Variants in WNT2B observed in about 807,000 individuals in gnomAD.
WNT2B encodes the protein protein Wnt-2b.
Under a neutral mutation model 40.5 loss-of-function variants are expected in WNT2B, and 19 were observed. The observed-to-expected ratio is 0.47, with a 90% CI of 0.33 to 0.69. The LOEUF is 0.69. WNT2B is among the 30% of genes least tolerant of loss of function. WNT2B has a pLI of 0.02. For synonymous variants in WNT2B, 220 were observed against 211.9 expected, an observed-to-expected ratio of 1.04 and a Z score of -0.33; for missense variants, 467 against 556.4, an observed-to-expected ratio of 0.84 and a Z score of 1.62.
intron 1 of WNT2B, among the ~76,000 whole-genome samples, chr1:112,510,748 G>A (rs1216973852): frequency 6.6e-6 from 1 of 151,696 alleles, no homozygotes; most frequent in Non-Finnish European, 1.5e-5. Context: ...AGGAGGGGGG[G>A]TTCTGGTTGG....
chr1:112,528,571 C>G lies in WNT2B; in HGVS notation c.*8062C>G, dbSNP rs1653839368. 6.6e-6 allele frequency: 1 copy of G among 152,180 alleles called. No individual in the cohort carries two copies. The highest frequency in any genetic ancestry group is 2.4e-5 in the African/African-American group (1 of 41,452). The allele number at this position is 152,180 out of a possible 1,614,324, so 9.4% of individuals were successfully genotyped here. ...CTACAGCTCCTTATCATTTGAGATTCTGGGCTAAGTAAGAGATATCAAATA... is the reference window on the plus strand; with the variant it reads ...CTACAGCTCCTTATCATTTGAGATTGTGGGCTAAGTAAGAGATATCAAATA... On this transcript the variant is annotated 3_prime_UTR_variant, in exon 5 of 5. Transcript: ENST00000369684.
chr1:112,488,101 A>G (rs1651476984), intron 1 of WNT2B, among the ~76,000 whole-genome samples: 1 of 152,112 alleles, frequency 6.6e-6, no homozygotes, highest in Non-Finnish European at 1.5e-5. Context: ...TGAAGAGATC[A>G]GCCTGGCCAA....
intron 1 of WNT2B, among the ~76,000 whole-genome samples, chr1:112,479,182 T>C (rs995682585): frequency 2.7e-5 from 4 of 149,606 alleles, no homozygotes; most frequent in Admixed American, 1.3e-4. Context: ...AATTGCACCA[T>C]TGCACTCCAG....
Position 112,529,051 on chromosome 1 carries a change from G to A in WNT2B, c.*8542G>A, listed in dbSNP as rs116369789. 6.6e-6 allele frequency: 1 copy of A among 152,284 alleles called. No individual in the cohort carries two copies. Among genetic ancestry groups the A allele is most frequent in the African/African-American group, 2.4e-5 (1 of 41,544 alleles). The allele number at this position is 152,284 out of a possible 1,614,324, so 9.4% of individuals were successfully genotyped here. A position where few individuals can be genotyped will look rare whatever the true frequency, so the allele number is the denominator to read the frequency against. On this transcript the variant is annotated 3_prime_UTR_variant, in exon 5 of 5. Transcript: ENST00000369684. ...TCTTAACCAAACTTCCCTAACTTCT[G>A]AGGATAAAAACCATAAGGGCAATCT... is the stretch of plus-strand genomic sequence containing the variant.
chr1:112,471,292 G>C (rs1274404899), intron 1 of WNT2B, among the ~76,000 whole-genome samples: 2 of 152,156 alleles, frequency 1.3e-5, no homozygotes, highest in East Asian at 3.9e-4. Context: ...TATGGGTAGA[G>C]GAGCTCTCTC....
intron 4 of WNT2B, 54 bp from the exon 5 acceptor site, chr1:112,520,226 C>A (rs1012326768): frequency 5.9e-6 from 9 of 1,532,492 alleles, no homozygotes; most frequent in Non-Finnish European, 8.0e-6. Flanking sequence ...TTAAGGGTAT[C>A]CAGGGCAGCT....
At chr1:112,502,731 G>T (rs895855980) in intron 1 of WNT2B, among the ~76,000 whole-genome samples, 7 of 151,920 alleles carry the variant, frequency 4.6e-5, no homozygotes, top group Non-Finnish European at 1.0e-4. Context: ...AGAGGAGGAG[G>T]GGGTGGGTTC....
intron 1 of WNT2B, among the ~76,000 whole-genome samples, chr1:112,498,210 G>C (rs2798239): frequency 0.83 from 125,886 of 151,782 alleles, 52,306 homozygotes; most frequent in South Asian, 0.87. Context: ...GCTTCTAGCT[G>C]CATCCATGTC....
chr1:112,527,859 G>GT lies in WNT2B; in HGVS notation c.*7351dup, dbSNP rs1339012338. 1 of 152,250 alleles carries GT rather than the reference G, an allele frequency of 6.6e-6. No individual in the cohort carries two copies. The highest frequency in any genetic ancestry group is 1.5e-5 in the Non-Finnish European group (1 of 68,060). 9.4% of individuals were successfully genotyped at this position (152,250 alleles called of 1,614,324 possible). On this transcript the variant is annotated 3_prime_UTR_variant, in exon 5 of 5. Coordinates refer to ENST00000369684, the MANE Select transcript of WNT2B (RefSeq NM_024494.3). Reference sequence around the variant, plus strand: ...ACACATGCGCTGCTTCTTTAGGAATGTAACTATGAAGTAAAAGGAAACAGT... The same window carrying GT: ...ACACATGCGCTGCTTCTTTAGGAATGTTAACTATGAAGTAAAAGGAAACAGT...
chr1:112,497,838 G>A (rs1022427162), intron 1 of WNT2B, among the ~76,000 whole-genome samples: 4 of 151,816 alleles, frequency 2.6e-5, no homozygotes, highest in Non-Finnish European at 5.9e-5. Flanking sequence ...ACTATAAGCA[G>A]TTAAGAGAAG....
chr1:112,467,624 C>T (rs1340185012), intron 1 of WNT2B: 3 of 774,452 alleles, frequency 3.9e-6, no homozygotes, highest in South Asian at 2.7e-5. Context: ...TTATTTAATA[C>T]TTGTACCTAA....
At chr1:112,499,659 G>C (rs1187633167) in intron 1 of WNT2B, among the ~76,000 whole-genome samples, 3 of 152,058 alleles carry the variant, frequency 2.0e-5, no homozygotes, top group Admixed American at 6.6e-5. Flanking sequence ...TTAAAAAACA[G>C]GTACAAAAAC....
intron 1 of WNT2B, among the ~76,000 whole-genome samples, chr1:112,484,584 T>C (rs1651356146): frequency 6.6e-6 from 1 of 151,458 alleles, no homozygotes; most frequent in Non-Finnish European, 1.5e-5. Context: ...GCCCCCAAAA[T>C]TTTTTAAATT....
At position 112,526,060 on chromosome 1, in the gene WNT2B, TCTC is replaced by T. The variant is rs1206344525; in HGVS notation, c.*5555_*5557del. 1.9e-6 allele frequency: 3 copies of T among 1,613,968 alleles called. No individual in the cohort carries two copies. Among genetic ancestry groups the T allele is most frequent in the African/African-American group, 1.3e-5 (1 of 74,862 alleles). On this transcript the variant is annotated 3_prime_UTR_variant, in exon 5 of 5. Transcript: ENST00000369684. ...TCTTCTGACTTCAAATCCTGTGTAT[TCTC>T]CTCAAAGCCTGAGGATGCCCAGGGT... is the stretch of plus-strand genomic sequence containing the variant.
chr1:112,485,813 G>C (rs1570770156), intron 1 of WNT2B, among the ~76,000 whole-genome samples: 1 of 152,144 alleles, frequency 6.6e-6, no homozygotes, highest in East Asian at 1.9e-4. Flanking sequence ...TTGTAACCTT[G>C]GGTTAGGTAA....
chr1:112,470,903 G>A (rs956820928), intron 1 of WNT2B, among the ~76,000 whole-genome samples: 1 of 152,228 alleles, frequency 6.6e-6, no homozygotes, highest in Non-Finnish European at 1.5e-5. Context: ...GGTCTGGAAA[G>A]TGTCTGCTCT....
At position 112,523,902 on chromosome 1, in the gene WNT2B, AAAGCT is replaced by A. The variant is rs1458987046; in HGVS notation, c.*3396_*3400del. 3 of 152,058 alleles carry A rather than the reference AAAGCT, an allele frequency of 2.0e-5. No individual in the cohort carries two copies. The highest frequency in any genetic ancestry group is 4.4e-5 in the Non-Finnish European group (3 of 68,020). 9.4% of individuals were successfully genotyped at this position (152,058 alleles called of 1,614,324 possible). ...CAGCCTTAACCTAGCCCTGCAGATA[AAAGCT>A]AACTTTTATTAATACCAGCCCTGAA... is the stretch of plus-strand genomic sequence containing the variant. On this transcript the variant is annotated 3_prime_UTR_variant, in exon 5 of 5. Transcript: ENST00000369684.
At position 112,524,523 on chromosome 1, in the gene WNT2B, GC is replaced by G. The variant is rs36061309; in HGVS notation, c.*4019del. ...TCTCCGTAAGCAATCCTGCAGAGCCGCCCCCTGGGTGCAGAAATGAAATACG... is the reference window on the plus strand; with the variant it reads ...TCTCCGTAAGCAATCCTGCAGAGCCGCCCCTGGGTGCAGAAATGAAATACG... On this transcript the variant is annotated 3_prime_UTR_variant, in exon 5 of 5. Coordinates refer to ENST00000369684, the MANE Select transcript of WNT2B (RefSeq NM_024494.3). 1 of 152,732 alleles carries G rather than the reference GC, an allele frequency of 6.5e-6. No individual in the cohort carries two copies. The highest frequency in any genetic ancestry group is 1.5e-5 in the Non-Finnish European group (1 of 68,082). 9.5% of individuals were successfully genotyped at this position (152,732 alleles called of 1,614,324 possible). A position where few individuals can be genotyped will look rare whatever the true frequency, so the allele number is the denominator to read the frequency against.
chr1:112,510,494 GC>G (rs1338626754), intron 1 of WNT2B, among the ~76,000 whole-genome samples: 14 of 152,040 alleles, frequency 9.2e-5, no homozygotes, highest in African/African-American at 3.1e-4. Context: ...TCCCGTGCAA[GC>G]CCCCCTCCCC....
Sources: gnomAD v4.1 joint callset for allele counts (sites outside exome capture counted in the v4.1 genomes callset) on GRCh38, gnomAD v4.1.1 for gene constraint, MANE v1.5 for transcripts, NCBI Gene and HGNC (gene_info 2026-07-23, HGNC 2026-07-21) for gene names.